COG6: variants seen among roughly 807,000 people sequenced by gnomAD.
COG6 encodes the protein component of oligomeric golgi complex 6.
A neutral mutation model predicts 88.8 loss-of-function variants in COG6; 74 were observed. The observed-to-expected ratio is 0.83, with a 90% CI of 0.69 to 1.01. The LOEUF (loss-of-function observed/expected upper bound fraction) is 1.01, where lower values mean the gene tolerates loss of function less well. Among genes scored for constraint, COG6 ranks in the 50% least tolerant of loss-of-function variants. COG6 has a pLI of 0.00. For synonymous variants in COG6, 286 were observed against 278.7 expected, an observed-to-expected ratio of 1.03 and a Z score of -0.26; for missense variants, 800 against 797.9, an observed-to-expected ratio of 1.00 and a Z score of -0.03.
At chr13:39,714,668 G>A (rs942692335) in intron 13 of COG6, among the ~76,000 whole-genome samples, 1 of 152,094 alleles carries the variant, frequency 6.6e-6, no homozygotes, top group Non-Finnish European at 1.5e-5. Context: ...TATACTGCTG[G>A]TGGGAATGTA....
chr13:39,733,335 C>T (rs889022387), intron 18 of COG6, among the ~76,000 whole-genome samples: 3 of 151,606 alleles, frequency 2.0e-5, no homozygotes, highest in Non-Finnish European at 4.4e-5. Flanking sequence ...GGAATATGGA[C>T]ACCTGCCAAT....
intron 18 of COG6, among the ~76,000 whole-genome samples, chr13:39,738,962 A>G (rs56255518): frequency 6.6e-6 from 1 of 152,260 alleles, no homozygotes; most frequent in Non-Finnish European, 1.5e-5. Flanking sequence ...CCTCTCAGTA[A>G]TTGATACAAA....
intron 4 of COG6, among the ~76,000 whole-genome samples, chr13:39,672,512 A>T (rs1278046689): frequency 6.6e-6 from 1 of 151,998 alleles, no homozygotes; most frequent in Non-Finnish European, 1.5e-5. Context: ...ATCATACAGT[A>T]TGTGGCCCTT....
At chr13:39,720,312 AG>A (rs1213595995) in intron 15 of COG6, among the ~76,000 whole-genome samples, 1 of 152,116 alleles carries the variant, frequency 6.6e-6, no homozygotes, top group Non-Finnish European at 1.5e-5. Context: ...TGAGTTCTTG[AG>A]TCCTATAAAG....
chr13:39,732,313 A>C (rs556365101), intron 18 of COG6, among the ~76,000 whole-genome samples: 39 of 152,328 alleles, frequency 2.6e-4, no homozygotes, highest in African/African-American at 7.7e-4. Context: ...TTCCGGAACA[A>C]AACATACATA....
intron 3 of COG6, among the ~76,000 whole-genome samples, chr13:39,662,900 G>T (rs1182346026): frequency 6.6e-6 from 1 of 151,856 alleles, no homozygotes; most frequent in African/African-American, 2.4e-5. Context: ...GTGTTTCTTA[G>T]AGTATCCTCA....
intron 18 of COG6, among the ~76,000 whole-genome samples, chr13:39,780,563 T>A (rs1487915565): frequency 1.3e-5 from 2 of 152,244 alleles, no homozygotes; most frequent in Non-Finnish European, 1.5e-5. Context: ...GTTCTCAACG[T>A]ATTACACTTT....
intron 18 of COG6, among the ~76,000 whole-genome samples, chr13:39,780,206 C>T (rs1001784698): frequency 1.3e-5 from 2 of 152,224 alleles, no homozygotes; most frequent in Non-Finnish European, 2.9e-5. Context: ...GTCACACCAA[C>T]AAGCTTGCTT....
In COG6 at chr13:39,751,289, G is replaced by T. The variant is rs760378602; in HGVS notation, c.*196G>T. 9 of 1,507,822 alleles carry T rather than the reference G, an allele frequency of 6.0e-6. No homozygotes were observed. The South Asian group carries it at 1.1e-4, about 18-fold the overall frequency. The allele number at this position is 1,507,822 out of a possible 1,614,324, so 93.4% of individuals were successfully genotyped here. On this transcript the variant is annotated 3_prime_UTR_variant, in exon 19 of 19. Transcript: ENST00000455146. Reference sequence around the variant, plus strand: ...TAACATGTTGACCTGAGCTAGTATTGCTGTGTATCTACTCTAAATGAGATG... The same window carrying T: ...TAACATGTTGACCTGAGCTAGTATTTCTGTGTATCTACTCTAAATGAGATG...
chr13:39,763,128 A>G (rs1881071888), intron 18 of COG6, among the ~76,000 whole-genome samples: 1 of 151,810 alleles, frequency 6.6e-6, no homozygotes, highest in Admixed American at 6.6e-5. Context: ...TCCCAAAATA[A>G]GCCTAAGTTG....
Position 39,679,560 on chromosome 13 carries a change from G to C in COG6, c.563G>C (p.Arg188Thr). 6.3e-7 allele frequency: 1 copy of C among 1,598,096 alleles called. No individual in the cohort carries two copies. The highest frequency in any genetic ancestry group is 1.3e-5 in the African/African-American group (1 of 74,722). Reference protein sequence around the residue: ...ITEDFFKALGRVKQIHNDVKV... With the variant: ...ITEDFFKALGTVKQIHNDVKV... ...AAGGATTTTTTCAAGGCACTGGGAA[G>C]AGTAAAACAGATTCATAATGATGTC... The change falls in exon 6 of 19, where the codon AGA becomes ACA. Residue 188 changes from arginine to threonine, a missense_variant. Physicochemically the swap from Arg to Thr is moderately conservative, Grantham distance 71. Coordinates refer to ENST00000455146, the MANE Select transcript of COG6 (RefSeq NM_020751.3).
intron 7 of COG6, 140 bp from the exon 8 acceptor site, chr13:39,682,031 G>C (rs2137992381): frequency 1.6e-6 from 1 of 643,522 alleles, no homozygotes; most frequent in Non-Finnish European, 2.8e-6. Flanking sequence ...ATTCATTTTT[G>C]ATTGGTGTAT....
intron 18 of COG6, among the ~76,000 whole-genome samples, chr13:39,783,157 A>C (rs1881678946): frequency 6.6e-6 from 1 of 152,208 alleles, no homozygotes; most frequent in Admixed American, 6.5e-5. Flanking sequence ...TCATATTTTT[A>C]ATGATGATCC....
At position 39,699,503 on chromosome 13, in the gene COG6, G is replaced by T; in HGVS notation, c.1169G>T (p.Gly390Val). ...LLKFYHHTISGIVGNSATALL... is the reference protein window; with the variant it reads ...LLKFYHHTISVIVGNSATALL... ...CCTGAAATATTCTTTGCTTTTAGTG[G>T]TATTGTTGGAAATAGTGCAACTGCA... The change falls in exon 13 of 19, where the codon GGT becomes GTT. Residue 390 changes from glycine (G) to valine (V), a missense_variant and splice_region_variant. Physicochemically the swap from Gly to Val is moderately radical, Grantham distance 109. Transcript: ENST00000455146. 1 of 1,477,132 alleles carries T rather than the reference G, an allele frequency of 6.8e-7. No individual in the cohort carries two copies. Among genetic ancestry groups the T allele is most frequent in the Non-Finnish European group, 9.5e-7 (1 of 1,056,584 alleles). 91.5% of individuals were successfully genotyped at this position (1,477,132 alleles called of 1,614,324 possible).
rs568183642 is a variant in COG6 at position 39,751,179 on chromosome 13, T to C, written c.*86T>C. ...TATTCTTTGAATTTTTACTCTATAA[T>C]TTGATAGTTACAGTTTTCTTTGTAT... On this transcript the variant is annotated 3_prime_UTR_variant, in exon 19 of 19. Transcript: ENST00000455146. 1.1e-4 allele frequency: 175 copies of C among 1,556,390 alleles called. No homozygotes were observed. The highest frequency in any genetic ancestry group is 1.5e-4 in the Non-Finnish European group (170 of 1,149,814).
chr13:39,671,113 T>C (rs1007049866), intron 4 of COG6, among the ~76,000 whole-genome samples: 2 of 151,984 alleles, frequency 1.3e-5, no homozygotes, highest in Non-Finnish European at 2.9e-5. Flanking sequence ...CTGACTGAGA[T>C]AAGCTATAAC....
In COG6 at chr13:39,731,228, A is replaced by G. The variant is rs561046602; in HGVS notation, c.1826+3680A>G. ...TAGTTGCAATACCTTTGGGACACCTATAACCTGTGTCTCCCTTTTTCTTGT... is the reference window on the plus strand; with the variant it reads ...TAGTTGCAATACCTTTGGGACACCTGTAACCTGTGTCTCCCTTTTTCTTGT... On this transcript the variant is annotated intron_variant, in intron 18 of 18. Transcript: ENST00000455146. Among the ~76,000 whole-genome samples, 4 of 152,260 alleles carry G rather than the reference A, an allele frequency of 2.6e-5. No individual in the cohort carries two copies. The East Asian group carries it at 5.8e-4, about 22-fold the overall frequency.
At chr13:39,733,357 AT>A (rs1879560638) in intron 18 of COG6, among the ~76,000 whole-genome samples, 1 of 151,710 alleles carries the variant, frequency 6.6e-6, no homozygotes, top group Non-Finnish European at 1.5e-5. Context: ...TGCCCGGCTA[AT>A]TTTTGTAGTT....
chr13:39,790,009 T>A (rs1292795049), exon 19 of COG6: 1 of 152,204 alleles, frequency 6.6e-6, no homozygotes. Flanking sequence ...TAAATAAATG[T>A]GAGGTAGGGT....
Sources: allele counts gnomAD v4.1 joint callset (sites outside exome capture counted in the v4.1 genomes callset), GRCh38; gene constraint gnomAD v4.1.1; transcripts MANE v1.5; gene names NCBI Gene and HGNC (gene_info 2026-07-23, HGNC 2026-07-21).